Variants in AKAP9 observed in about 807,000 individuals in gnomAD.
AKAP9 encodes the protein A-kinase anchor protein 9.
A neutral mutation model predicts 488.5 loss-of-function variants in AKAP9; 311 were observed. That is an observed-to-expected ratio of 0.64 (90% CI 0.58 to 0.70). AKAP9 has a LOEUF of 0.70. AKAP9 is among the 30% of genes least tolerant of loss of function. The pLI is 0.00. For missense variants in AKAP9, 4,215 were observed against 4,374.5 expected (o/e 0.96, Z 1.03); for synonymous variants, 1,462 against 1,483.5 (o/e 0.99, Z 0.33).
chr7:92,080,642 CGA>C (rs1415383420), intron 31 of AKAP9, among the ~76,000 whole-genome samples: 1 of 151,794 alleles, frequency 6.6e-6, no homozygotes, highest in African/African-American at 2.4e-5. Flanking sequence ...ACTAAATTTA[CGA>C]GAGTTTATTT....
intron 21 of AKAP9, among the ~76,000 whole-genome samples, chr7:92,045,780 CG>C (rs1339519093): frequency 6.6e-6 from 1 of 150,708 alleles, no homozygotes; most frequent in African/African-American, 2.4e-5. Flanking sequence ...GAGCTGTCTT[CG>C]TAACTCTGTC....
rs568497742 is a variant in AKAP9, at chr7:92,079,751, A to G, written c.7618A>G (p.Ile2540Val). The G allele has an allele frequency of 7.4e-6, 12 of 1,614,148 alleles. No individual in the cohort carries two copies. The East Asian group carries it at 2.5e-4, about 33-fold the overall frequency. ...TGAAACAGAAATGCTTCAAAAGAAGATTGTAAACCTACAGAAAATAGTTGA... is the reference window on the plus strand; with the variant it reads ...TGAAACAGAAATGCTTCAAAAGAAGGTTGTAAACCTACAGAAAATAGTTGA... ...QFETEMLQKK[I>V]VNLQKIVEEK... Residue 2540 changes from isoleucine to valine, a missense_variant, in exon 31 of 50, where the codon ATT becomes GTT. Ile to Val is a conservative substitution (Grantham distance 29). Around this residue, in one of 5 missense-constraint regions of AKAP9, gnomAD observed 1,476 missense variants for 1,477.4 expected, o/e 1.00. Coordinates refer to ENST00000356239, the MANE Select transcript of AKAP9 (RefSeq NM_005751.5).
intron 1 of AKAP9, among the ~76,000 whole-genome samples, chr7:91,955,122 A>C (rs1792798104): frequency 6.6e-6 from 1 of 152,130 alleles, no homozygotes; most frequent in East Asian, 1.9e-4. Flanking sequence ...CTTGTTCCCT[A>C]ATTCTAAGAG....
At chr7:91,943,577 G>A (rs376923833) in intron 1 of AKAP9, among the ~76,000 whole-genome samples, 1 of 152,088 alleles carries the variant, frequency 6.6e-6, no homozygotes, top group East Asian at 1.9e-4. Context: ...TAGGATTTGG[G>A]GGATATTCTT....
intron 26 of AKAP9, 103 bp downstream of exon 26, chr7:92,066,649 G>T (rs992673664): frequency 8.5e-6 from 12 of 1,411,162 alleles, no homozygotes; most frequent in African/African-American, 2.8e-5. Context: ...TCCTTTGTAT[G>T]TAAATCTTCA....
In AKAP9 at chr7:92,065,341, G is replaced by C. The variant is rs747112882; in HGVS notation, c.6088G>C (p.Val2030Leu). ...QKQVKALEID[V>L]EEQVSRFIEL... ...ACAAGTGAAAGCTCTAGAAATAGAT[G>C]TGGAAGAACAAGTCAGTAGGTTTAT... The change falls in exon 25 of 50, where the codon GTG (valine) becomes CTG (leucine). Residue 2030 changes from valine (V) to leucine (L), a missense_variant. Val to Leu is a conservative substitution (Grantham distance 32). Coordinates refer to ENST00000356239, the MANE Select transcript of AKAP9 (RefSeq NM_005751.5). 8 of 1,613,106 alleles carry C rather than the reference G, an allele frequency of 5.0e-6. No homozygotes were observed. The highest frequency in any genetic ancestry group is 6.8e-6 in the Non-Finnish European group (8 of 1,179,432).
At chr7:91,969,097 C>G (rs2130544314) in intron 1 of AKAP9, among the ~76,000 whole-genome samples, 1 of 151,786 alleles carries the variant, frequency 6.6e-6, no homozygotes, top group East Asian at 2.0e-4. Context: ...ATCTTGTTGC[C>G]CAGGTTGGTT....
intron 39 of AKAP9, among the ~76,000 whole-genome samples, chr7:92,093,794 G>A (rs567001638): frequency 3.3e-5 from 5 of 151,978 alleles, no homozygotes; most frequent in Non-Finnish European, 7.4e-5. Context: ...TGATTCCCAT[G>A]TTCAGTAAAA....
chr7:91,987,562 A>G (rs1272250732), intron 3 of AKAP9, among the ~76,000 whole-genome samples: 1 of 152,216 alleles, frequency 6.6e-6, no homozygotes, highest in East Asian at 1.9e-4. Flanking sequence ...TAGATTCACT[A>G]TGTCTAGAGA....
intron 6 of AKAP9, 152 bp downstream of exon 6, chr7:91,994,928 G>T: frequency 1.5e-6 from 1 of 660,652 alleles, no homozygotes; most frequent in Non-Finnish European, 2.6e-6. Context: ...ATATTAACCA[G>T]GAATTTAATT....
At chr7:92,079,051 G>GTAAATACATATATAT in intron 30 of AKAP9, 28 bp from the exon 31 acceptor site, 2 of 1,453,894 alleles carry the variant, frequency 1.4e-6, no homozygotes, top group Non-Finnish European at 1.9e-6. Context: ...TATATATTAT[G>GTAAATACATATATAT]TATGTTACCT....
chr7:92,012,663 T>C lies in AKAP9; in HGVS notation c.3532+21T>C, dbSNP rs192360495. On this transcript the variant is annotated intron_variant, in intron 9 of 49. Transcript: ENST00000356239. ...AACAGGTAAAATGGTTTCTGACTTA[T>C]AAGTACCATGATCCAAATAAGTATT... is the stretch of plus-strand genomic sequence containing the variant. 26 of 1,570,768 alleles carry C rather than the reference T, an allele frequency of 1.7e-5. No homozygotes were observed. The East Asian group carries it at 2.7e-4, about 16-fold the overall frequency.
chr7:92,018,837 G>T (rs982794347), intron 12 of AKAP9, among the ~76,000 whole-genome samples: 8 of 152,090 alleles, frequency 5.3e-5, no homozygotes, highest in African/African-American at 7.2e-5. Flanking sequence ...CTTCTGAGCT[G>T]CAGAGTCATA....
chr7:91,997,932 C>T (rs888163057), intron 7 of AKAP9, among the ~76,000 whole-genome samples: 44 of 152,094 alleles, frequency 2.9e-4, no homozygotes, highest in African/African-American at 9.9e-4. Context: ...TTAGGGTCAG[C>T]TAAGGCATTG....
chr7:92,102,478 CTACTACTACT>C (rs1216703602), intron 45 of AKAP9, 106 bp from the exon 46 acceptor site: 20 of 726,250 alleles, frequency 2.8e-5, no homozygotes, highest in African/African-American at 1.1e-4. Context: ...ACTACTACTA[CTACTACTACT>C]ACCACCACCA....
intron 22 of AKAP9, among the ~76,000 whole-genome samples, chr7:92,058,654 G>A (rs975443033): frequency 5.9e-5 from 9 of 151,866 alleles, no homozygotes; most frequent in South Asian, 4.1e-4. Context: ...AAAAGATCCC[G>A]CTTTTCCTTA....
At chr7:91,985,051 A>G (rs1274234681) in intron 3 of AKAP9, among the ~76,000 whole-genome samples, 1 of 152,214 alleles carries the variant, frequency 6.6e-6, no homozygotes, top group East Asian at 1.9e-4. Context: ...CAATCATGTC[A>G]TCTGCAAACA....
intron 1 of AKAP9, among the ~76,000 whole-genome samples, chr7:91,944,883 A>G (rs1337547520): frequency 6.6e-6 from 1 of 152,190 alleles, no homozygotes; most frequent in Non-Finnish European, 1.5e-5. Flanking sequence ...ATTGTTAGAC[A>G]TTTTATAGAT....
chr7:92,004,664 T>C (rs1799585041), intron 8 of AKAP9, among the ~76,000 whole-genome samples: 1 of 152,202 alleles, frequency 6.6e-6, no homozygotes, highest in African/African-American at 2.4e-5. Flanking sequence ...TGCACATTGA[T>C]TTTGTATCCT....
Sources: gnomAD v4.1 joint callset for allele counts (sites outside exome capture counted in the v4.1 genomes callset) on GRCh38, gnomAD v4.1.1 for gene constraint, gnomAD v4.1.1 regional missense constraint, MANE v1.5 for transcripts, NCBI Gene and HGNC (gene_info 2026-07-23, HGNC 2026-07-21) for gene names.